Variants in ZFHX3 observed in about 807,000 individuals in gnomAD.
ZFHX3 encodes the protein zinc finger homeobox 3, also known as zinc finger homeobox protein 3.
A neutral mutation model predicts 279.1 loss-of-function variants in ZFHX3; 42 were observed. The ratio of observed to expected loss-of-function variants is 0.15; its 90% confidence interval spans 0.12 to 0.19. The LOEUF (loss-of-function observed/expected upper bound fraction) is 0.19. Ranked by LOEUF, ZFHX3 falls within the 10% of genes least tolerant of loss-of-function variation. The pLI is 1.00. For synonymous variants in ZFHX3, 2,293 were observed against 1,957.8 expected (o/e 1.17, Z -4.52); for missense variants, 4,981 against 4,754.0 (o/e 1.05, Z -1.40).
At chr16:73,819,599 A>C (rs547149594) in intron 1 of ZFHX3, among the ~76,000 whole-genome samples, 13 of 152,224 alleles carry the variant, frequency 8.5e-5, no homozygotes, top group Non-Finnish European at 1.9e-4. Flanking sequence ...CTTAACCACT[A>C]TGAAGGGAAG....
At chr16:72,974,145 C>T (rs1962236736) in intron 1 of ZFHX3, among the ~76,000 whole-genome samples, 1 of 152,322 alleles carries the variant, frequency 6.6e-6, no homozygotes, top group South Asian at 2.1e-4. Flanking sequence ...TTGGGGAATG[C>T]AGGCAGAAGC....
At chr16:73,228,295 T>G (rs1165144151) in intron 5 of ZFHX3, among the ~76,000 whole-genome samples, 1 of 152,200 alleles carries the variant, frequency 6.6e-6, no homozygotes, top group African/African-American at 2.4e-5. Context: ...GGTATAAAGA[T>G]AAATATTAAA....
intron 2 of ZFHX3, among the ~76,000 whole-genome samples, chr16:73,564,490 C>T (rs1188121435): frequency 6.6e-6 from 1 of 152,194 alleles, no homozygotes; most frequent in Admixed American, 6.5e-5. Context: ...GTTCCAGCAT[C>T]ACTACATGGG....
chr16:72,788,809 C>G lies in ZFHX3; in HGVS notation c.9467G>C (p.Ser3156Thr), dbSNP rs769101287. Residue 3156 changes from serine to threonine, a missense_variant, in exon 10 of 10, where the codon AGC (serine) becomes ACC (threonine). By Grantham distance (58) the Ser-to-Thr change is moderately conservative. Around this residue, in one of 7 missense-constraint regions of ZFHX3, gnomAD observed 1,034 missense variants for 786.0 expected, o/e 1.32. Transcript: ENST00000268489. ...GAGGCCAGGGGAAGGAACAGTTGTG[C>G]TGGGCAGACCCATCAAGTTCGGCTT... Reference protein sequence around the residue: ...SPKPNLMGLPSTTVPSPGLPT... With the variant: ...SPKPNLMGLPTTTVPSPGLPT... The G allele has an allele frequency of 2.6e-6, 4 of 1,526,468 alleles. No homozygotes were observed. Among genetic ancestry groups the G allele is most frequent in the Non-Finnish European group, 3.5e-6 (4 of 1,140,822 alleles). 94.6% of individuals were successfully genotyped at this position (1,526,468 alleles called of 1,614,324 possible). A position where few individuals can be genotyped will look rare whatever the true frequency, so the allele number is the denominator to read the frequency against.
intron 7 of ZFHX3, among the ~76,000 whole-genome samples, chr16:73,120,600 T>G (rs1966484625): frequency 6.6e-6 from 1 of 151,322 alleles, no homozygotes; most frequent in South Asian, 2.1e-4. Flanking sequence ...TTCATGTGCC[T>G]TTCTTGATAT....
chr16:73,162,712 C>T (rs920946966), intron 5 of ZFHX3, among the ~76,000 whole-genome samples: 10 of 152,280 alleles, frequency 6.6e-5, no homozygotes, highest in Admixed American at 2.6e-4. Context: ...ATCTGCCCAC[C>T]GTGGCCTCCC....
chr16:73,759,931 A>G (rs1413360927), intron 1 of ZFHX3, among the ~76,000 whole-genome samples: 1 of 152,018 alleles, frequency 6.6e-6, no homozygotes, highest in Admixed American at 6.6e-5. Context: ...AGAAGACAAG[A>G]AATAACCAAG....
At chr16:73,349,149 G>A (rs919752881) in intron 3 of ZFHX3, among the ~76,000 whole-genome samples, 5 of 111,700 alleles carry the variant, frequency 4.5e-5, no homozygotes, top group South Asian at 5.8e-4. Context: ...GTGTCTTCCT[G>A]CTACCTCTAG....
chr16:73,700,415 A>G (rs573917945), intron 1 of ZFHX3, among the ~76,000 whole-genome samples: 4 of 152,232 alleles, frequency 2.6e-5, no homozygotes, highest in Admixed American at 6.5e-5. Context: ...TCATACAATT[A>G]TAAATTTAGA....
chr16:73,232,539 G>A (rs952549704), intron 5 of ZFHX3: 1 of 152,260 alleles, frequency 6.6e-6, no homozygotes, highest in Non-Finnish European at 1.5e-5. Context: ...AAGAAAAAAG[G>A]AATCGATGAC....
chr16:73,774,113 G>C (rs181996110), intron 1 of ZFHX3, among the ~76,000 whole-genome samples: 1 of 151,860 alleles, frequency 6.6e-6, no homozygotes. Flanking sequence ...CTAGCTGACA[G>C]AGCAATATAC....
intron 4 of ZFHX3, chr16:73,318,219 A>T (rs546845820): frequency 1.3e-3 from 202 of 152,204 alleles, no homozygotes; most frequent in African/African-American, 4.7e-3. Flanking sequence ...ACCCAACCAT[A>T]ATATAATATC....
intron 7 of ZFHX3, 22 bp downstream of exon 7, chr16:72,811,555 G>C (rs755361153): frequency 6.4e-7 from 1 of 1,558,826 alleles, no homozygotes. Context: ...AGACCACAGG[G>C]TGCTGCTCCT....
chr16:73,804,926 GAGGGAGGGAGAGAGGGAGAGGA>G (rs1218472006), intron 1 of ZFHX3, among the ~76,000 whole-genome samples: 2 of 116,030 alleles, frequency 1.7e-5, no homozygotes, highest in African/African-American at 4.4e-5. Context: ...GAGGGAGAGG[GAGGGAGGGAGAGAGGGAGAGGA>G]AGGGAGGGAG....
At chr16:72,971,614 C>G (rs1317458476) in intron 1 of ZFHX3, among the ~76,000 whole-genome samples, 1 of 152,114 alleles carries the variant, frequency 6.6e-6, no homozygotes, top group African/African-American at 2.4e-5. Context: ...GTTGCTGACT[C>G]AAATGCTAGG....
intron 2 of ZFHX3, among the ~76,000 whole-genome samples, chr16:73,566,504 T>C (rs1331997213): frequency 6.6e-6 from 1 of 152,156 alleles, no homozygotes; most frequent in Non-Finnish European, 1.5e-5. Flanking sequence ...GGCTCCGGTG[T>C]CCTTTGCACT....
intron 1 of ZFHX3, among the ~76,000 whole-genome samples, chr16:73,055,436 A>G (rs1352987137): frequency 6.6e-6 from 1 of 152,162 alleles, no homozygotes; most frequent in Non-Finnish European, 1.5e-5. Context: ...ACCAAAAAAT[A>G]AAATCAAAGC....
intron 7 of ZFHX3, among the ~76,000 whole-genome samples, chr16:73,129,646 G>C (rs189427291): frequency 3.5e-5 from 5 of 144,822 alleles, no homozygotes; most frequent in African/African-American, 1.2e-4. Context: ...GTGCGTGTGC[G>C]TGTGTGCATG....
At chr16:73,735,106 C>A (rs1438233097) in intron 1 of ZFHX3, among the ~76,000 whole-genome samples, 3 of 152,122 alleles carry the variant, frequency 2.0e-5, no homozygotes, top group Admixed American at 6.5e-5. Flanking sequence ...AGTTCAGAAG[C>A]ATTAAGCACA....
Sources: gnomAD v4.1 joint callset for allele counts (sites outside exome capture counted in the v4.1 genomes callset) on GRCh38, gnomAD v4.1.1 for gene constraint, gnomAD v4.1.1 regional missense constraint, MANE v1.5 for transcripts, NCBI Gene and HGNC (gene_info 2026-07-23, HGNC 2026-07-21) for gene names.